Variants in LRBA observed in about 807,000 individuals in gnomAD.
The protein encoded by LRBA is lipopolysaccharide-responsive and beige-like anchor protein.
Under a neutral mutation model 330.0 loss-of-function variants are expected in LRBA, and 176 were observed. The observed-to-expected ratio is 0.53, with a 90% confidence interval of 0.47 to 0.60. The LOEUF (loss-of-function observed/expected upper bound fraction) is 0.60, where lower values mean the gene tolerates loss of function less well. Ranked by LOEUF, LRBA falls within the 20% of genes least tolerant of loss-of-function variation. The pLI is 0.00. For synonymous variants in LRBA, 1,230 were observed against 1,193.0 expected (o/e 1.03, Z -0.64); for missense variants, 3,259 against 3,444.8 (o/e 0.95, Z 1.35).
At chr4:150,755,787 C>T (rs1472200768) in intron 35 of LRBA, among the ~76,000 whole-genome samples, 1 of 151,870 alleles carries the variant, frequency 6.6e-6, no homozygotes, top group East Asian at 1.9e-4. Flanking sequence ...TGGCTCATGC[C>T]TGTAATCCCA....
chr4:150,817,053 T>TTTCAA, intron 31 of LRBA, 71 bp downstream of exon 31: 1 of 1,413,434 alleles, frequency 7.1e-7, no homozygotes, highest in Non-Finnish European at 9.9e-7. Context: ...TTTAAGTTAA[T>TTTCAA]CAAAAATCTT....
chr4:151,007,740 C>T (rs1212706777), intron 2 of LRBA, among the ~76,000 whole-genome samples: 4 of 151,028 alleles, frequency 2.6e-5, no homozygotes, highest in Non-Finnish European at 5.9e-5. Flanking sequence ...GCCTGTAGTC[C>T]CAGCTCCTTG....
chr4:150,292,397 T>C (rs1302169388), intron 53 of LRBA, among the ~76,000 whole-genome samples: 1 of 152,240 alleles, frequency 6.6e-6, no homozygotes, highest in East Asian at 1.9e-4. Flanking sequence ...CACTTTGAAA[T>C]GCAGTATAAC....
chr4:150,732,191 T>C (rs1258992400), intron 36 of LRBA, among the ~76,000 whole-genome samples: 4 of 152,104 alleles, frequency 2.6e-5, no homozygotes, highest in Admixed American at 2.6e-4. Flanking sequence ...TCCTTGTTTT[T>C]TCCATAATTA....
Position 150,628,320 on chromosome 4 carries a change from A to G in LRBA, c.5922-29189T>C, listed in dbSNP as rs545395799. 5.9e-5 allele frequency among the ~76,000 whole-genome samples: 9 copies of G among 152,298 alleles called. No homozygotes were observed. In the South Asian group the frequency reaches 1.7e-3, roughly 28 times the overall value. ...TCAATCAAGATCCAATCGGGTATAG[A>G]GAGAGTCAGGCAAATGCATCACTCT... is the stretch of plus-strand genomic sequence containing the variant. On this transcript the variant is annotated intron_variant, in intron 37 of 56. Transcript: ENST00000651943.
At chr4:150,460,081 T>C (rs74623465) in intron 44 of LRBA, among the ~76,000 whole-genome samples, 3,931 of 151,674 alleles carry the variant, frequency 0.026, 126 homozygotes, top group Non-Finnish European at 0.033. Context: ...CTGTGACATC[T>C]AGATGGTATA....
At chr4:150,487,263 A>G (rs1028274819) in intron 42 of LRBA, among the ~76,000 whole-genome samples, 1 of 150,852 alleles carries the variant, frequency 6.6e-6, no homozygotes, top group Non-Finnish European at 1.5e-5. Context: ...TATGATATAT[A>G]TTATATATAT....
chr4:150,900,492 G>A (rs531767915), intron 13 of LRBA, among the ~76,000 whole-genome samples: 1 of 152,246 alleles, frequency 6.6e-6, no homozygotes, highest in Admixed American at 6.5e-5. Context: ...ATAACTTTGT[G>A]ATTCCTATTT....
At chr4:150,323,904 G>A (rs1386847954) in intron 49 of LRBA, among the ~76,000 whole-genome samples, 1 of 152,156 alleles carries the variant, frequency 6.6e-6, no homozygotes, top group Non-Finnish European at 1.5e-5. Flanking sequence ...GTACAAGTAG[G>A]AAATTGCTAG....
At chr4:150,699,023 G>C (rs1241820809) in intron 36 of LRBA, among the ~76,000 whole-genome samples, 1 of 152,126 alleles carries the variant, frequency 6.6e-6, no homozygotes, top group African/African-American at 2.4e-5. Context: ...ATGATAAATT[G>C]GGGTAAGAGT....
intron 56 of LRBA, among the ~76,000 whole-genome samples, chr4:150,277,392 A>G (rs1171874784): frequency 6.6e-6 from 1 of 152,138 alleles, no homozygotes; most frequent in Non-Finnish European, 1.5e-5. Context: ...CGTTCTGCAC[A>G]TGTACCCCAG....
At chr4:150,295,722 T>G (rs1021061356) in intron 53 of LRBA, among the ~76,000 whole-genome samples, 1 of 152,234 alleles carries the variant, frequency 6.6e-6, no homozygotes. Flanking sequence ...TACTTACATA[T>G]GTAGCTTCGT....
chr4:150,839,435 C>T (rs1438262542), intron 28 of LRBA, among the ~76,000 whole-genome samples: 1 of 152,188 alleles, frequency 6.6e-6, no homozygotes, highest in African/African-American at 2.4e-5. Context: ...GACACATGCA[C>T]ACGTATGTTC....
At chr4:150,569,100 A>G (rs1317169814) in intron 40 of LRBA, among the ~76,000 whole-genome samples, 1 of 152,116 alleles carries the variant, frequency 6.6e-6, no homozygotes, top group African/African-American at 2.4e-5. Flanking sequence ...CACTTAAAAC[A>G]TTGTTTGCCA....
chr4:150,845,839 G>C (rs1029918856), intron 26 of LRBA, among the ~76,000 whole-genome samples: 3 of 152,136 alleles, frequency 2.0e-5, no homozygotes, highest in African/African-American at 7.2e-5. Context: ...TCAGACCCAG[G>C]AAATACTTTT....
intron 37 of LRBA, among the ~76,000 whole-genome samples, chr4:150,656,817 C>A (rs983602737): frequency 6.6e-6 from 1 of 151,952 alleles, no homozygotes; most frequent in Admixed American, 6.6e-5. Flanking sequence ...AACTCAATAC[C>A]TATTACAAAT....
chr4:150,373,170 T>TGAGA (rs1222034309), intron 47 of LRBA, among the ~76,000 whole-genome samples: 116 of 111,544 alleles, frequency 1.0e-3, no homozygotes, highest in Middle Eastern at 9.3e-3. Context: ...TGTGTGTGTG[T>TGAGA]GTGAGAGAGA....
At chr4:150,783,885 A>C (rs1738627854) in intron 34 of LRBA, among the ~76,000 whole-genome samples, 1 of 152,248 alleles carries the variant, frequency 6.6e-6, no homozygotes, top group South Asian at 2.1e-4. Context: ...AATAAGGCAG[A>C]GAAGTTTGAA....
intron 2 of LRBA, among the ~76,000 whole-genome samples, chr4:151,002,771 G>A (rs975281077): frequency 6.6e-6 from 1 of 151,860 alleles, no homozygotes; most frequent in African/African-American, 2.4e-5. Flanking sequence ...CAGCACTTTG[G>A]GAGGCTGAGG....
Sources: gnomAD v4.1 joint callset for allele counts (sites outside exome capture counted in the v4.1 genomes callset) on GRCh38, gnomAD v4.1.1 for gene constraint, MANE v1.5 for transcripts, NCBI Gene and HGNC (gene_info 2026-07-23, HGNC 2026-07-21) for gene names.